MAP2: variants seen among roughly 807,000 people sequenced by gnomAD.
MAP2 encodes the protein microtubule associated protein 2.
In MAP2, 14 loss-of-function variants were observed where a neutral mutation model predicts 137.6. That is an observed-to-expected ratio of 0.10 (90% CI 0.07 to 0.16). MAP2 has a LOEUF of 0.16. Ranked by LOEUF, MAP2 falls within the 10% of genes least tolerant of loss-of-function variation. MAP2 has a pLI of 1.00. For synonymous variants in MAP2, 786 were observed against 782.3 expected (o/e 1.00, Z -0.08); for missense variants, 2,088 against 2,191.5 (o/e 0.95, Z 0.94).
chr2:209,706,825 T>A (rs1282088195), intron 12 of MAP2, among the ~76,000 whole-genome samples: 1 of 152,166 alleles, frequency 6.6e-6, no homozygotes, highest in Non-Finnish European at 1.5e-5. Context: ...ATTTAAACAG[T>A]GTTTTTGCCT....
At chr2:209,495,274 C>T (rs938753525) in intron 1 of MAP2, among the ~76,000 whole-genome samples, 3 of 152,246 alleles carry the variant, frequency 2.0e-5, no homozygotes, top group South Asian at 2.1e-4. Flanking sequence ...CCGACTTAAA[C>T]GTTCCTGCCT....
intron 10 of MAP2, among the ~76,000 whole-genome samples, chr2:209,699,899 C>T (rs1249602129): frequency 6.6e-6 from 1 of 152,122 alleles, no homozygotes; most frequent in African/African-American, 2.4e-5. Flanking sequence ...CATGTGAACC[C>T]CAGAAACCAA....
intron 2 of MAP2, 150 bp downstream of exon 2, chr2:209,507,791 A>T (rs1432982894): frequency 6.6e-6 from 1 of 152,160 alleles, no homozygotes; most frequent in African/African-American, 2.4e-5. Flanking sequence ...GAGTTGGCCT[A>T]CTAGCAAACA....
chr2:209,696,577 A>G lies in MAP2; in HGVS notation c.4216A>G (p.Thr1406Ala). ...DRSIMTEQLE[T>A]IPKEEKAEKE... is the part of the protein sequence containing the mutation. ...GAGCATCATGACAGAACAGTTAGAA[A>G]CTATTCCTAAAGAGGAGAAAGCTGA... Residue 1406 changes from threonine (T) to alanine (A), a missense_variant, in exon 9 of 16, where the codon ACT (threonine) becomes GCT (alanine). Physicochemically the swap from Thr to Ala is moderately conservative, Grantham distance 58. Transcript: ENST00000682079. The G allele has an allele frequency of 6.8e-6, 11 of 1,613,862 alleles. No homozygotes were observed. Among genetic ancestry groups the G allele is most frequent in the Non-Finnish European group, 9.3e-6 (11 of 1,179,930 alleles).
At chr2:209,553,426 GA>G (rs933675585) in intron 2 of MAP2, among the ~76,000 whole-genome samples, 76 of 152,256 alleles carry the variant, frequency 5.0e-4, no homozygotes, top group African/African-American at 1.7e-3. Flanking sequence ...TTGTGTTTAT[GA>G]ATGTATGTAT....
intron 5 of MAP2, among the ~76,000 whole-genome samples, chr2:209,668,432 T>A (rs2047291106): frequency 6.6e-6 from 1 of 152,088 alleles, no homozygotes; most frequent in African/African-American, 2.4e-5. Flanking sequence ...AAATTATTAT[T>A]TGTTTTTTAT....
At chr2:209,553,779 G>A (rs2069801259) in intron 2 of MAP2, among the ~76,000 whole-genome samples, 1 of 152,142 alleles carries the variant, frequency 6.6e-6, no homozygotes, top group Non-Finnish European at 1.5e-5. Context: ...CTAAATAAAT[G>A]TATTACATTG....
At chr2:209,639,126 T>C (rs1038843495) in intron 4 of MAP2, among the ~76,000 whole-genome samples, 1 of 151,980 alleles carries the variant, frequency 6.6e-6, no homozygotes, top group Non-Finnish European at 1.5e-5. Context: ...CACCTCAGCC[T>C]CTCAAAGTGC....
At chr2:209,532,283 GA>G in intron 2 of MAP2, among the ~76,000 whole-genome samples, 1 of 149,060 alleles carries the variant, frequency 6.7e-6, no homozygotes. Context: ...AGAAAAAAAT[GA>G]AAATGAAAAG....
intron 2 of MAP2, among the ~76,000 whole-genome samples, chr2:209,517,338 A>G (rs2062657981): frequency 6.6e-6 from 1 of 152,132 alleles, no homozygotes; most frequent in Admixed American, 6.6e-5. Flanking sequence ...TCACTTTTAC[A>G]TAAATATAAA....
intron 3 of MAP2, among the ~76,000 whole-genome samples, chr2:209,609,936 A>G (rs2086237441): frequency 6.6e-6 from 1 of 152,180 alleles, no homozygotes; most frequent in South Asian, 2.1e-4. Flanking sequence ...CATATGCGTA[A>G]TACATACTTA....
At position 209,732,547 on chromosome 2, in the gene MAP2, A is replaced by C. The variant is rs1433758142; in HGVS notation, c.*2150A>C. 6.6e-6 allele frequency: 1 copy of C among 152,276 alleles called. No homozygotes were observed. The highest frequency in any genetic ancestry group is 1.5e-5 in the Non-Finnish European group (1 of 68,046). The allele number at this position is 152,276 out of a possible 1,614,324, so 9.4% of individuals were successfully genotyped here. A position where few individuals can be genotyped will look rare whatever the true frequency, so the allele number is the denominator to read the frequency against. ...CTTCCCTTGAAGTGCACCAGAAAAT[A>C]GAAGAAAGGTGTGTGGAGACTTAGG... On this transcript the variant is annotated 3_prime_UTR_variant, in exon 16 of 16. Transcript: ENST00000682079.
intron 5 of MAP2, among the ~76,000 whole-genome samples, chr2:209,672,349 T>A (rs546765704): frequency 1.3e-5 from 2 of 151,988 alleles, no homozygotes; most frequent in Admixed American, 1.3e-4. Flanking sequence ...AACTTTCAGA[T>A]CTTACCTACA....
At chr2:209,500,406 T>C (rs180758716) in intron 1 of MAP2, among the ~76,000 whole-genome samples, 30 of 152,286 alleles carry the variant, frequency 2.0e-4, no homozygotes, top group Admixed American at 1.7e-3. Flanking sequence ...TTTGTTTCTG[T>C]GTTGTCCTGT....
At position 209,477,541 on chromosome 2, in the gene MAP2, G is replaced by A. The variant is rs117486628; in HGVS notation, c.-221-30051G>A. On this transcript the variant is annotated intron_variant, in intron 1 of 15. Transcript: ENST00000682079. The stretch of plus-strand genomic sequence containing the variant: ...GTGGAGGGCACAATAAAGAACATTA[G>A]GCTATTCTTTAACCAAAGGGAAATA... 1.4e-3 allele frequency among the ~76,000 whole-genome samples: 208 copies of A among 152,134 alleles called. 7 individuals are homozygous for A. In the East Asian group the frequency reaches 0.033, roughly 24 times the overall value.
chr2:209,595,929 G>A (rs2081166203), intron 3 of MAP2, among the ~76,000 whole-genome samples: 1 of 152,056 alleles, frequency 6.6e-6, no homozygotes, highest in African/African-American at 2.4e-5. Flanking sequence ...CACAGGGCAG[G>A]GAACATCACA....
rs1286614166 is a variant in MAP2, at chr2:209,710,268, G to A, written c.5073+14G>A. On this transcript the variant is annotated intron_variant, in intron 13 of 15. Transcript: ENST00000682079. ...AAAGGGGGGCAGGTAAGAATTGCAT[G>A]AACACATATTTGCTGCCAGAAATAA... The A allele has an allele frequency of 6.5e-7, 1 of 1,543,030 alleles. No homozygotes were observed. Among genetic ancestry groups the A allele is most frequent in the Admixed American group, 2.0e-5 (1 of 51,138 alleles).
chr2:209,694,873 T>C lies in MAP2; in HGVS notation c.2703T>C (p.Asp901=). ...GTGGTACCTTTTACGAAGGCACTGA[T>C]GATAAAGTTCGAAGAGATTTGGCCA... ...GESGTFYEGT[D]DKVRRDLATD... The change falls in exon 8 of 16, where the codon GAT becomes GAC. Residue 901 remains aspartate, a synonymous_variant. Coordinates refer to ENST00000682079, the MANE Select transcript of MAP2 (RefSeq NM_001375505.1). The C allele has an allele frequency of 6.2e-7, 1 of 1,614,182 alleles. No homozygotes were observed. Among genetic ancestry groups the C allele is most frequent in the African/African-American group, 1.3e-5 (1 of 75,062 alleles).
Position 209,491,219 on chromosome 2 carries a change from G to A in MAP2, c.-221-16373G>A, listed in dbSNP as rs1576157936. On this transcript the variant is annotated intron_variant, in intron 1 of 15. Coordinates refer to ENST00000682079, the MANE Select transcript of MAP2 (RefSeq NM_001375505.1). ...CTACTGGGTAAATAACAAAATTAAG[G>A]CAGAAATCAATAAGTTCTTTGAAAC... Among the ~76,000 whole-genome samples, 4 of 152,186 alleles carry A rather than the reference G, an allele frequency of 2.6e-5. No homozygotes were observed. The South Asian group carries it at 6.2e-4, about 24-fold the overall frequency.
Sources: allele counts gnomAD v4.1 joint callset (sites outside exome capture counted in the v4.1 genomes callset), GRCh38; gene constraint gnomAD v4.1.1; transcripts MANE v1.5; gene names NCBI Gene and HGNC (gene_info 2026-07-23, HGNC 2026-07-21).